RAP1GAP2: variants seen among roughly 807,000 people sequenced by gnomAD.
RAP1GAP2 encodes RAP1 GTPase activating protein 2, also known as rap1 GTPase-activating protein 2.
A neutral mutation model predicts 95.0 loss-of-function variants in RAP1GAP2; 27 were observed. The observed-to-expected ratio is 0.28, with a 90% CI of 0.21 to 0.39. RAP1GAP2 has a LOEUF of 0.39. Among genes scored for constraint, RAP1GAP2 ranks in the 10% least tolerant of loss-of-function variants. The pLI is 1.00. For missense variants in RAP1GAP2, 771 were observed against 970.0 expected (o/e 0.79, Z 2.72); for synonymous variants, 373 against 380.9 (o/e 0.98, Z 0.24).
At chr17:2,982,972 G>A (rs919735118) in intron 10 of RAP1GAP2, among the ~76,000 whole-genome samples, 4 of 152,172 alleles carry the variant, frequency 2.6e-5, no homozygotes, top group African/African-American at 7.2e-5. Context: ...CCATGGCCTG[G>A]TGCCTCTCCC....
chr17:2,829,275 T>G (rs1289392557), intron 2 of RAP1GAP2, among the ~76,000 whole-genome samples: 1 of 152,094 alleles, frequency 6.6e-6, no homozygotes, highest in Non-Finnish European at 1.5e-5. Flanking sequence ...TGAGCTACCA[T>G]GCCCGGCCAA....
chr17:2,970,636 A>C (rs1355113377), intron 8 of RAP1GAP2, among the ~76,000 whole-genome samples: 2 of 152,186 alleles, frequency 1.3e-5, no homozygotes, highest in African/African-American at 4.8e-5. Flanking sequence ...CTTAATATGA[A>C]TCATGTTGGA....
intron 13 of RAP1GAP2, among the ~76,000 whole-genome samples, chr17:2,995,736 A>T (rs1182071739): frequency 1.3e-5 from 2 of 150,742 alleles, no homozygotes; most frequent in East Asian, 3.9e-4. Flanking sequence ...TTCCACGTTG[A>T]CTGATGGGAA....
At chr17:2,948,760 GA>G (rs1320261298) in intron 3 of RAP1GAP2, among the ~76,000 whole-genome samples, 1 of 151,554 alleles carries the variant, frequency 6.6e-6, no homozygotes. Context: ...GTCTGCAGGA[GA>G]AGCTGTGCCT....
At chr17:2,999,684 C>G (rs922077400) in intron 14 of RAP1GAP2, among the ~76,000 whole-genome samples, 1 of 151,818 alleles carries the variant, frequency 6.6e-6, no homozygotes, top group African/African-American at 2.4e-5. Flanking sequence ...CGGTGGCGTA[C>G]GCCTGTAATT....
intron 2 of RAP1GAP2, among the ~76,000 whole-genome samples, chr17:2,834,648 T>A (rs749275351): frequency 8.6e-5 from 13 of 151,978 alleles, no homozygotes; most frequent in Non-Finnish European, 1.6e-4. Context: ...AATACAAAAA[T>A]TAGCTGGGCA....
intron 2 of RAP1GAP2, among the ~76,000 whole-genome samples, chr17:2,816,335 C>CTTAT (rs1033266728): frequency 1.3e-5 from 2 of 151,294 alleles, no homozygotes; most frequent in East Asian, 1.9e-4. Context: ...ATCAAACCCT[C>CTTAT]TTATTTATTT....
chr17:2,823,894 C>T (rs547053037), intron 2 of RAP1GAP2, among the ~76,000 whole-genome samples: 24 of 152,084 alleles, frequency 1.6e-4, no homozygotes, highest in Non-Finnish European at 2.6e-4. Context: ...GAGGCCGAGG[C>T]GGGCGGATCA....
In RAP1GAP2 at chr17:2,921,576, C is replaced by T. The variant is rs1329118157; in HGVS notation, c.165+16208C>T. On this transcript the variant is annotated intron_variant, in intron 3 of 24. Coordinates refer to ENST00000254695, the MANE Select transcript of RAP1GAP2 (RefSeq NM_015085.5). ...GTGTCAGCAGGGCCGTTAAAGTGTC[C>T]GCAGGGCCTTTAAGGTGTCTGCAGG... is the stretch of plus-strand genomic sequence containing the variant. 5.3e-5 allele frequency among the ~76,000 whole-genome samples: 8 copies of T among 151,848 alleles called. No individual in the cohort carries two copies. In the South Asian group the frequency reaches 1.3e-3, roughly 24 times the overall value.
At chr17:2,957,902 T>C (rs1245907045) in intron 4 of RAP1GAP2, 108 bp downstream of exon 4, 5 of 1,199,828 alleles carry the variant, frequency 4.2e-6, no homozygotes, top group Admixed American at 5.6e-5. Context: ...TGGACGGGGG[T>C]GCAGAGAAGA....
intron 3 of RAP1GAP2, among the ~76,000 whole-genome samples, chr17:2,907,997 G>A (rs1157304218): frequency 6.6e-6 from 1 of 151,760 alleles, no homozygotes; most frequent in Non-Finnish European, 1.5e-5. Context: ...AGTAGAGACG[G>A]GGATTCACCA....
intron 2 of RAP1GAP2, among the ~76,000 whole-genome samples, chr17:2,808,561 G>A (rs542617970): frequency 2.4e-4 from 36 of 152,324 alleles, no homozygotes; most frequent in African/African-American, 8.7e-4. Context: ...GCAGCTGCAC[G>A]GCGTCCCCTC....
At chr17:2,970,181 G>T (rs1369393783) in intron 8 of RAP1GAP2, among the ~76,000 whole-genome samples, 1 of 149,500 alleles carries the variant, frequency 6.7e-6, no homozygotes, top group Admixed American at 6.9e-5. Context: ...GGCTGAGGCA[G>T]GAGAATCACT....
rs1346197626 is a variant in RAP1GAP2 at position 3,008,089 on chromosome 17, C to T, written c.1438C>T (p.Pro480Ser). 2 of 1,613,962 alleles carry T rather than the reference C, an allele frequency of 1.2e-6. No individual in the cohort carries two copies. The highest frequency in any genetic ancestry group is 2.7e-5 in the African/African-American group (2 of 75,024). The change falls in exon 17 of 25, where the codon CCA (proline) becomes TCA (serine). Residue 480 changes from proline (P) to serine (S), a missense_variant. Pro to Ser is a moderately conservative substitution (Grantham distance 74). Coordinates refer to ENST00000254695, the MANE Select transcript of RAP1GAP2 (RefSeq NM_015085.5). The surrounding 1 kb of genome is among the most constrained non-coding windows in gnomAD (Gnocchi z 4.2). ...AHTQAMLGLG[P>S]EEDKFENGGH... The stretch of plus-strand genomic sequence containing the variant: ...CACACAGGCCATGCTGGGACTGGGC[C>T]CAGAGGAGGACAAGTTTGAGAATGG...
In RAP1GAP2 at chr17:2,906,779, T is replaced by A. The variant is rs970533906; in HGVS notation, c.165+1411T>A. ...CAGTCTCCTAGGAGGAGTCCCTGAA[T>A]TCTCTTGGCAGATTTTACTTACTCA... On this transcript the variant is annotated intron_variant, in intron 3 of 24. Transcript: ENST00000254695. The surrounding 1 kb of genome is among the most constrained non-coding windows in gnomAD (Gnocchi z 4.3). Among the ~76,000 whole-genome samples, 3 of 152,196 alleles carry A rather than the reference T, an allele frequency of 2.0e-5. No individual in the cohort carries two copies. The highest frequency in any genetic ancestry group is 7.2e-5 in the African/African-American group (3 of 41,450).
intron 2 of RAP1GAP2, among the ~76,000 whole-genome samples, chr17:2,883,746 G>T (rs2073386639): frequency 6.6e-6 from 1 of 152,208 alleles, no homozygotes; most frequent in South Asian, 2.1e-4. Context: ...CCTGATGGCC[G>T]CAGGATGATT....
chr17:2,818,944 G>A (rs1385555622), intron 2 of RAP1GAP2, among the ~76,000 whole-genome samples: 1 of 152,158 alleles, frequency 6.6e-6, no homozygotes, highest in East Asian at 1.9e-4. Context: ...AGAACAGAGA[G>A]GGGATGTAGC....
chr17:2,947,845 C>T (rs566756176), intron 3 of RAP1GAP2, among the ~76,000 whole-genome samples: 1 of 152,268 alleles, frequency 6.6e-6, no homozygotes, highest in South Asian at 2.1e-4. Flanking sequence ...AAATCCTTTT[C>T]CTTGGTCATG....
In RAP1GAP2 at chr17:2,828,858, C is replaced by T. The variant is rs569955439; in HGVS notation, c.80+28308C>T. Among the ~76,000 whole-genome samples, 26 of 152,142 alleles carry T rather than the reference C, an allele frequency of 1.7e-4. No individual in the cohort carries two copies. The East Asian group carries it at 4.1e-3, about 24-fold the overall frequency. ...CCCTCTCCAGAGGTGACTTCCCTCC[C>T]GGTTTCTGGGTATCTGTGTCTTTGC... On this transcript the variant is annotated intron_variant, in intron 2 of 24. Transcript: ENST00000254695.
Sources: gnomAD v4.1 joint callset for allele counts (sites outside exome capture counted in the v4.1 genomes callset) on GRCh38, gnomAD v4.1.1 for gene constraint, Gnocchi (gnomAD v3.1) non-coding constraint, MANE v1.5 for transcripts, NCBI Gene and HGNC (gene_info 2026-07-23, HGNC 2026-07-21) for gene names.